FGF14: variants seen among roughly 807,000 people sequenced by gnomAD.
FGF14 encodes fibroblast growth factor homologous factor 4.
FGF14 carries 5 observed loss-of-function variants against 25.5 expected under a neutral mutation model. The ratio of observed to expected loss-of-function variants is 0.20; its 90% CI spans 0.10 to 0.41. The LOEUF is 0.41. FGF14 is among the 10% of genes least tolerant of loss of function. The pLI, the probability that FGF14 is intolerant of heterozygous loss-of-function variation, is 1.00. For synonymous variants in FGF14, 138 were observed against 118.3 expected (o/e 1.17, Z -1.08); for missense variants, 222 against 320.1 (o/e 0.69, Z 2.34).
intron 1 of FGF14, among the ~76,000 whole-genome samples, chr13:102,301,924 A>T (rs1334154953): frequency 1.3e-5 from 2 of 151,844 alleles, no homozygotes; most frequent in Non-Finnish European, 2.9e-5. Flanking sequence ...AGGAAGTGTC[A>T]TCGGAAGAAC....
intron 3 of FGF14, among the ~76,000 whole-genome samples, chr13:101,806,453 A>G (rs1391955989): frequency 2.0e-5 from 3 of 151,450 alleles, no homozygotes; most frequent in African/African-American, 7.3e-5. Context: ...AGAAAAATAT[A>G]TGTATATGTA....
rs570816523 is a variant in FGF14, at chr13:102,329,683, G to A, written c.208+71788C>T. 7.8e-4 allele frequency among the ~76,000 whole-genome samples: 119 copies of A among 152,056 alleles called. 1 individual carries two copies. The highest frequency in any genetic ancestry group is 1.4e-3 in the Non-Finnish European group (95 of 68,000). On this transcript the variant is annotated intron_variant, in intron 1 of 4. Coordinates refer to the FGF14 transcript ENST00000376131. The stretch of plus-strand genomic sequence containing the variant: ...TTCAACTTCAGCTGCTCAGACCTGT[G>A]GATGTATCCAAGAAGACTGAATCTC...
intron 1 of FGF14, among the ~76,000 whole-genome samples, chr13:101,954,078 A>T (rs2036354191): frequency 6.6e-6 from 1 of 152,146 alleles, no homozygotes; most frequent in African/African-American, 2.4e-5. Flanking sequence ...CTGTCCTTCT[A>T]AATTTTTGAA....
At chr13:102,163,420 T>C (rs1372227599) in intron 1 of FGF14, among the ~76,000 whole-genome samples, 1 of 151,924 alleles carries the variant, frequency 6.6e-6, no homozygotes, top group Non-Finnish European at 1.5e-5. Context: ...AGCTCCAGGG[T>C]TATAAAGGTG....
intron 1 of FGF14, among the ~76,000 whole-genome samples, chr13:102,330,210 A>G (rs1255617575): frequency 6.6e-6 from 1 of 152,124 alleles, no homozygotes; most frequent in South Asian, 2.1e-4. Flanking sequence ...TTGCCTTCAC[A>G]ATGAGAAAAT....
intron 1 of FGF14, among the ~76,000 whole-genome samples, chr13:102,145,801 C>T (rs2046830151): frequency 6.6e-6 from 1 of 152,124 alleles, no homozygotes; most frequent in Admixed American, 6.6e-5. Context: ...CAGAAATCCT[C>T]CTACAGGGAG....
chr13:101,936,116 A>G (rs1486222812), intron 1 of FGF14, among the ~76,000 whole-genome samples: 2 of 152,160 alleles, frequency 1.3e-5, no homozygotes, highest in African/African-American at 4.8e-5. Context: ...AATCCTTGAG[A>G]CAATTTTATA....
intron 1 of FGF14, among the ~76,000 whole-genome samples, chr13:102,116,753 G>C (rs1028932133): frequency 2.0e-5 from 3 of 152,190 alleles, no homozygotes; most frequent in Non-Finnish European, 2.9e-5. Context: ...GGAGATGGTT[G>C]CCAAATATTC....
intron 1 of FGF14, among the ~76,000 whole-genome samples, chr13:102,123,200 G>T (rs1339102161): frequency 6.6e-6 from 1 of 152,054 alleles, no homozygotes; most frequent in Non-Finnish European, 1.5e-5. Context: ...GAACTTGGAG[G>T]TTATCAAATC....
intron 1 of FGF14, among the ~76,000 whole-genome samples, chr13:102,241,890 G>A (rs886980094): frequency 6.6e-6 from 1 of 152,046 alleles, no homozygotes; most frequent in Non-Finnish European, 1.5e-5. Flanking sequence ...TGCAAGTTCT[G>A]CTTGCTTTGT....
intron 1 of FGF14, among the ~76,000 whole-genome samples, chr13:102,008,056 A>G (rs989425959): frequency 6.6e-6 from 1 of 152,216 alleles, no homozygotes; most frequent in Non-Finnish European, 1.5e-5. Flanking sequence ...CTGCATCCCT[A>G]TTTGTAATTC....
At chr13:102,277,167 G>A (rs1007157406) in intron 1 of FGF14, among the ~76,000 whole-genome samples, 3 of 152,150 alleles carry the variant, frequency 2.0e-5, no homozygotes, top group Non-Finnish European at 4.4e-5. Context: ...TGTGGTTGAC[G>A]AAAATTGTTT....
chr13:102,057,300 A>G lies in FGF14; in HGVS notation c.209-182004T>C, dbSNP rs78090835. On this transcript the variant is annotated intron_variant, in intron 1 of 4. Transcript: ENST00000376131. ...TCATAAAAATCTTATAGTTTAATGA[A>G]TATTTTACAAATTGTTATGATGAAT... Among the ~76,000 whole-genome samples, 1,091 of 152,272 alleles carry G rather than the reference A, an allele frequency of 7.2e-3. 9 individuals are homozygous for G. Among genetic ancestry groups the G allele is most frequent in the Non-Finnish European group, 0.012 (797 of 67,980 alleles).
At chr13:102,013,699 C>T (rs2040196720) in intron 1 of FGF14, among the ~76,000 whole-genome samples, 1 of 152,154 alleles carries the variant, frequency 6.6e-6, no homozygotes, top group Non-Finnish European at 1.5e-5. Context: ...GTAAGGTTGC[C>T]TGGAAGTGTT....
chr13:102,239,294 T>C (rs2051476209), intron 1 of FGF14, among the ~76,000 whole-genome samples: 1 of 152,186 alleles, frequency 6.6e-6, no homozygotes, highest in South Asian at 2.1e-4. Flanking sequence ...AAGAAATGTC[T>C]AGTGTACTTA....
intron 4 of FGF14, among the ~76,000 whole-genome samples, chr13:101,725,190 T>C (rs371647439): frequency 6.6e-5 from 10 of 152,230 alleles, no homozygotes; most frequent in African/African-American, 1.4e-4. Context: ...TGTGGGCTTA[T>C]TTTTTAATTT....
At chr13:102,337,522 T>C (rs2056821917) in intron 1 of FGF14, among the ~76,000 whole-genome samples, 1 of 152,162 alleles carries the variant, frequency 6.6e-6, no homozygotes, top group Non-Finnish European at 1.5e-5. Context: ...GAAACAACAA[T>C]ACAGAATGTA....
chr13:102,156,691 T>C (rs1424392808), intron 1 of FGF14, among the ~76,000 whole-genome samples: 1 of 152,068 alleles, frequency 6.6e-6, no homozygotes, highest in Non-Finnish European at 1.5e-5. Flanking sequence ...AAATAAATGG[T>C]ATTCAATTAG....
At chr13:102,031,667 CA>C (rs778110304) in intron 1 of FGF14, among the ~76,000 whole-genome samples, 393 of 137,782 alleles carry the variant, frequency 2.9e-3, no homozygotes, top group East Asian at 3.2e-3. Flanking sequence ...CATAAAACAG[CA>C]AAAAAAAAAA....
Sources: allele counts gnomAD v4.1 joint callset (sites outside exome capture counted in the v4.1 genomes callset), GRCh38; gene constraint gnomAD v4.1.1; transcripts MANE v1.5; gene names NCBI Gene and HGNC (gene_info 2026-07-23, HGNC 2026-07-21).